Variants in PTPRT observed in about 807,000 individuals in gnomAD.
The protein encoded by PTPRT is receptor-type tyrosine-protein phosphatase T.
Under a neutral mutation model 176.8 loss-of-function variants are expected in PTPRT, and 56 were observed. That is an observed-to-expected ratio of 0.32 (90% CI 0.26 to 0.40). The LOEUF (loss-of-function observed/expected upper bound fraction) is 0.40. Ranked by LOEUF, PTPRT falls within the 10% of genes least tolerant of loss-of-function variation. The pLI is 1.00. For missense variants in PTPRT, 1,540 were observed against 1,908.2 expected, an observed-to-expected ratio of 0.81 and a Z score of 3.60; for synonymous variants, 783 against 739.0, an observed-to-expected ratio of 1.06 and a Z score of -0.96.
At chr20:42,133,927 G>A (rs1988252341) in intron 18 of PTPRT, among the ~76,000 whole-genome samples, 1 of 152,194 alleles carries the variant, frequency 6.6e-6, no homozygotes, top group African/African-American at 2.4e-5. Context: ...GAGGCAGGCA[G>A]TGAGCTAATA....
chr20:43,086,951 T>C (rs945607945), intron 1 of PTPRT, among the ~76,000 whole-genome samples: 2 of 152,226 alleles, frequency 1.3e-5, no homozygotes, highest in Non-Finnish European at 2.9e-5. Context: ...TTTATAGATG[T>C]ACAGTTCTAT....
chr20:42,182,871 C>T (rs1990577553), intron 16 of PTPRT, among the ~76,000 whole-genome samples: 3 of 150,832 alleles, frequency 2.0e-5, no homozygotes, highest in Admixed American at 1.3e-4. Flanking sequence ...TGGCCATACC[C>T]GTTGGGTTGT....
At chr20:42,544,030 A>G (rs2072629722) in intron 7 of PTPRT, among the ~76,000 whole-genome samples, 1 of 152,168 alleles carries the variant, frequency 6.6e-6, no homozygotes, top group Non-Finnish European at 1.5e-5. Flanking sequence ...GTAGTGTTTA[A>G]GAGTCCCAGG....
At chr20:42,132,780 T>C (rs1056737492) in intron 18 of PTPRT, among the ~76,000 whole-genome samples, 12 of 152,312 alleles carry the variant, frequency 7.9e-5, no homozygotes, top group African/African-American at 2.4e-4. Context: ...AGACTAAACA[T>C]ACACTTACCA....
intron 15 of PTPRT, among the ~76,000 whole-genome samples, chr20:42,205,942 A>C (rs2055448944): frequency 2.6e-5 from 4 of 152,116 alleles, no homozygotes. Context: ...TCGCAACTGT[A>C]AGGGAACTAT....
At chr20:42,917,745 T>TA (rs1978870752) in intron 1 of PTPRT, among the ~76,000 whole-genome samples, 1 of 151,964 alleles carries the variant, frequency 6.6e-6, no homozygotes, top group African/African-American at 2.4e-5. Flanking sequence ...ATTTTACTGA[T>TA]AAAAAAACAA....
At chr20:42,068,768 A>G (rs1982190845), downstream of PTPRT, among the ~76,000 whole-genome samples, 1 of 152,188 alleles carries the variant, frequency 6.6e-6, no homozygotes, top group East Asian at 1.9e-4. Context: ...CTTGGCCGCC[A>G]GGTGTGGTCC....
In PTPRT at chr20:42,161,472, G is replaced by A; in HGVS notation, c.2562C>T (p.Asp854=). 8.7e-6 allele frequency: 14 copies of A among 1,614,152 alleles called. No individual in the cohort carries two copies. The highest frequency in any genetic ancestry group is 1.2e-5 in the Non-Finnish European group (14 of 1,180,022). Residue 854 remains aspartate, a synonymous_variant, in exon 17 of 31, where the codon GAC becomes GAT. Coordinates refer to ENST00000373187, the MANE Select transcript of PTPRT (RefSeq NM_007050.6). ...CCCGGGGGTAGCTCATCTCCACAGG[G>A]TCACAGGTGCGGTAGGGATGAGTCT... The part of the protein sequence containing the change: ...TIQTHPYRTC[D]PVEMSYPRDQ...
At chr20:42,404,972 T>TTATATATATATATACATATATATATA (rs1555843250) in intron 9 of PTPRT, among the ~76,000 whole-genome samples, 1 of 77,956 alleles carries the variant, frequency 1.3e-5, no homozygotes, top group Non-Finnish European at 2.7e-5. Flanking sequence ...GGCCAATTAA[T>TTATATATATATATACATATATATATA]TATATATATA....
At chr20:42,227,797 C>T (rs2056052627) in intron 15 of PTPRT, among the ~76,000 whole-genome samples, 1 of 151,676 alleles carries the variant, frequency 6.6e-6, no homozygotes, top group African/African-American at 2.4e-5. Flanking sequence ...TTAGTAGAAA[C>T]GGGGTTTCAC....
intron 18 of PTPRT, among the ~76,000 whole-genome samples, chr20:42,130,007 C>T (rs1988051773): frequency 6.6e-6 from 1 of 152,290 alleles, no homozygotes; most frequent in South Asian, 2.1e-4. Flanking sequence ...TCTTTTAGCC[C>T]TTGTTACAAA....
chr20:43,049,677 TCTC>T (rs1287147774), intron 1 of PTPRT, among the ~76,000 whole-genome samples: 1 of 152,132 alleles, frequency 6.6e-6, no homozygotes, highest in Non-Finnish European at 1.5e-5. Flanking sequence ...GGCTTTCAGT[TCTC>T]CTGCCCAAGT....
At chr20:42,789,304 C>A (rs2077339351) in intron 3 of PTPRT, among the ~76,000 whole-genome samples, 1 of 152,182 alleles carries the variant, frequency 6.6e-6, no homozygotes, top group African/African-American at 2.4e-5. Context: ...ATTAATTTCA[C>A]TGATTTCCTT....
intron 1 of PTPRT, among the ~76,000 whole-genome samples, chr20:43,008,590 C>T (rs935756729): frequency 1.3e-4 from 19 of 151,714 alleles, no homozygotes; most frequent in African/African-American, 4.6e-4. Flanking sequence ...ACTTGAGGGT[C>T]TGAGGTGGAG....
chr20:42,338,485 T>C (rs781528886), intron 11 of PTPRT, among the ~76,000 whole-genome samples: 37 of 152,192 alleles, frequency 2.4e-4, no homozygotes, highest in Non-Finnish European at 4.6e-4. Flanking sequence ...ATTCCCACCA[T>C]TGGAAACTGC....
intron 6 of PTPRT, 56 bp downstream of exon 6, chr20:42,756,406 A>G: frequency 6.9e-7 from 1 of 1,442,630 alleles, no homozygotes; most frequent in Non-Finnish European, 9.2e-7. Context: ...AGGGGCTTTA[A>G]GGCCCATTAA....
intron 6 of PTPRT, among the ~76,000 whole-genome samples, chr20:42,706,179 T>TTGTGTGTGTGTG (rs369232610): frequency 3.0e-4 from 37 of 123,554 alleles, no homozygotes; most frequent in African/African-American, 3.5e-4. Flanking sequence ...CTCTCTCTGT[T>TTGTGTGTGTGTG]TGTGTGTGTG....
intron 9 of PTPRT, among the ~76,000 whole-genome samples, chr20:42,380,917 CT>C (rs1339620050): frequency 6.6e-6 from 1 of 152,158 alleles, no homozygotes; most frequent in East Asian, 1.9e-4. Context: ...ATGTTGCCAT[CT>C]GCTCGGCTTC....
chr20:42,124,233 C>CT lies in PTPRT; in HGVS notation c.2848-4263dup, dbSNP rs1343579998. On this transcript the variant is annotated intron_variant, in intron 19 of 30. Coordinates refer to ENST00000373187, the MANE Select transcript of PTPRT (RefSeq NM_007050.6). ...AGAAAACTTCCTAACCTTAAAAGAA[C>CT]TTTGAGTTCATTTAAGTCCCACCTA... Among the ~76,000 whole-genome samples the CT allele has an allele frequency of 6.6e-5, 10 of 152,212 alleles. 1 individual carries two copies. Among genetic ancestry groups the CT allele is most frequent in the African/African-American group, 2.4e-4 (10 of 41,456 alleles).
Sources: allele counts gnomAD v4.1 joint callset (sites outside exome capture counted in the v4.1 genomes callset), GRCh38; gene constraint gnomAD v4.1.1; transcripts MANE v1.5; gene names NCBI Gene and HGNC (gene_info 2026-07-23, HGNC 2026-07-21).